GFPT2: variants seen among roughly 807,000 people sequenced by gnomAD.
GFPT2 encodes glutamine--fructose-6-phosphate transaminase 2, also known as glutamine--fructose-6-phosphate aminotransferase [isomerizing] 2.
In GFPT2, 62 loss-of-function variants were observed where a neutral mutation model predicts 85.6. The observed-to-expected ratio is 0.72, with a 90% CI of 0.59 to 0.90. GFPT2 has a LOEUF of 0.90. Ranked by LOEUF, GFPT2 falls within the 40% of genes least tolerant of loss-of-function variation. The probability of loss-of-function intolerance (pLI) is 0.00; values close to 1 mark genes in which losing one functional copy is unlikely to be tolerated. For missense variants in GFPT2, 788 were observed against 893.4 expected, an observed-to-expected ratio of 0.88 and a Z score of 1.50; for synonymous variants, 368 against 344.5, an observed-to-expected ratio of 1.07 and a Z score of -0.75.
At chr5:180,316,578 G>A in intron 12 of GFPT2, 117 bp from the exon 13 acceptor site, 1 of 1,179,072 alleles carries the variant, frequency 8.5e-7, no homozygotes, top group South Asian at 1.4e-5. Flanking sequence ...CAGGTGGCGA[G>A]GGGACTTCGG....
intron 1 of GFPT2, among the ~76,000 whole-genome samples, chr5:180,340,732 T>G (rs542024670): frequency 1.9e-4 from 28 of 151,156 alleles, no homozygotes; most frequent in African/African-American, 6.6e-4. Flanking sequence ...GCCAGGATGG[T>G]CTCAATCTCC....
rs551114783 is a variant in GFPT2, at chr5:180,340,360, C to T, written c.8-1760G>A. On this transcript the variant is annotated intron_variant, in intron 1 of 18. Coordinates refer to ENST00000253778, the MANE Select transcript of GFPT2 (RefSeq NM_005110.4). The stretch of plus-strand genomic sequence containing the variant: ...TAGCTGGGATTACAGGCATGTGCCA[C>T]CACACCTGGCTAATTTTGTATTTTT... Among the ~76,000 whole-genome samples, 6 of 151,950 alleles carry T rather than the reference C, an allele frequency of 3.9e-5. No individual in the cohort carries two copies. In the East Asian group the frequency reaches 7.8e-4, roughly 20 times the overall value.
intron 2 of GFPT2, 71 bp downstream of exon 2, chr5:180,338,422 C>G: frequency 1.4e-6 from 1 of 712,598 alleles, no homozygotes; most frequent in South Asian, 1.7e-5. Flanking sequence ...AACCCCCCTG[C>G]AGTGGAGATG....
At position 180,331,703 on chromosome 5, in the gene GFPT2, TGTTTACGGCAGCAACTACA is replaced by T. The variant is rs1222356823; in HGVS notation, c.341-169_341-151del. 7.5e-6 allele frequency: 5 copies of T among 663,966 alleles called. No homozygotes were observed. In the African/African-American group the frequency reaches 9.1e-5, roughly 12 times the overall value. The allele number at this position is 663,966 out of a possible 1,614,324, so 41.1% of individuals were successfully genotyped here. On this transcript the variant is annotated intron_variant, in intron 4 of 18. Coordinates refer to ENST00000253778, the MANE Select transcript of GFPT2 (RefSeq NM_005110.4). ...CTTTGTTTACAGTGATTAGCACAGA[TGTTTACGGCAGCAACTACA>T]GTGGAACCAGGGATTAGCACCAGGG... is the stretch of plus-strand genomic sequence containing the variant.
rs1239809929 is a variant in GFPT2, at chr5:180,353,310, G to GCTC, written c.-96_-94dup. The GCTC allele has an allele frequency of 2.1e-6, 2 of 970,256 alleles. No individual in the cohort carries two copies. Among genetic ancestry groups the GCTC allele is most frequent in the Non-Finnish European group, 2.7e-6 (2 of 748,438 alleles). The allele number at this position is 970,256 out of a possible 1,614,324, so 60.1% of individuals were successfully genotyped here. Reference sequence around the variant, plus strand: ...GTGGGCTCCTCCGTGGGCTCCGTGGGCTCCGTGGGCTCCGCGGGCTCCAGC... The same window carrying GCTC: ...GTGGGCTCCTCCGTGGGCTCCGTGGGCTCCTCCGTGGGCTCCGCGGGCTCCAGC... On this transcript the variant is annotated 5_prime_UTR_variant, in exon 1 of 19. Coordinates refer to ENST00000253778, the MANE Select transcript of GFPT2 (RefSeq NM_005110.4).
At chr5:180,316,607 G>A (rs1176246857) in intron 12 of GFPT2, 146 bp from the exon 13 acceptor site, 12 of 951,688 alleles carry the variant, frequency 1.3e-5, no homozygotes, top group Admixed American at 1.1e-4. Context: ...AGGCCACCTC[G>A]AAGATAAAAG....
intron 2 of GFPT2, among the ~76,000 whole-genome samples, chr5:180,337,815 T>C (rs1191631117): frequency 6.6e-6 from 1 of 152,088 alleles, no homozygotes. Context: ...GCCCTCTTTA[T>C]GTATTGTTCT....
chr5:180,324,811 C>T lies in GFPT2; in HGVS notation c.676+5G>A. 6.3e-7 allele frequency: 1 copy of T among 1,577,240 alleles called. No individual in the cohort carries two copies. Among genetic ancestry groups the T allele is most frequent in the Non-Finnish European group, 8.7e-7 (1 of 1,146,420 alleles). Reference sequence around the variant, plus strand: ...TGCTGTTCCGGTACTTCTTGAGAAACTTACACGTCCTGTATAAGATAGGGA... The same window carrying T: ...TGCTGTTCCGGTACTTCTTGAGAAATTTACACGTCCTGTATAAGATAGGGA... On this transcript the variant is annotated splice_donor_5th_base_variant and intron_variant, in intron 8 of 18. Transcript: ENST00000253778.
rs1326167941 is a variant in GFPT2 at position 180,330,275 on chromosome 5, TCA to T, written c.534+423_534+424del. On this transcript the variant is annotated intron_variant, in intron 6 of 18. Transcript: ENST00000253778. The surrounding 1 kb of genome is among the most constrained non-coding windows in gnomAD (Gnocchi z 4.4). ...AGGTGGAGGTTGCAGTGAGCCAAGA[TCA>T]CACCACTGCACTCCAGCCTGTGCAA... Among the ~76,000 whole-genome samples the T allele has an allele frequency of 6.6e-6, 1 of 152,022 alleles. No homozygotes were observed. Among genetic ancestry groups the T allele is most frequent in the Non-Finnish European group, 1.5e-5 (1 of 68,014 alleles).
intron 14 of GFPT2, among the ~76,000 whole-genome samples, chr5:180,313,450 G>C (rs1397326385): frequency 1.6e-5 from 2 of 126,894 alleles, no homozygotes; most frequent in African/African-American, 5.8e-5. Context: ...AATGAGCCGG[G>C]TGTGGGGCGG....
At chr5:180,331,975 G>A (rs973169810) in intron 4 of GFPT2, among the ~76,000 whole-genome samples, 1 of 152,234 alleles carries the variant, frequency 6.6e-6, no homozygotes, top group African/African-American at 2.4e-5. Context: ...GCAAAGAACA[G>A]TCCAGCACCG....
intron 4 of GFPT2, among the ~76,000 whole-genome samples, chr5:180,332,985 T>C (rs1764332478): frequency 6.6e-6 from 1 of 152,216 alleles, no homozygotes; most frequent in African/African-American, 2.4e-5. Context: ...TTAAAAAAAT[T>C]GTAGTGTTTG....
At chr5:180,352,304 A>C in intron 1 of GFPT2, 1 of 401,454 alleles carries the variant, frequency 2.5e-6, no homozygotes, top group Non-Finnish European at 4.8e-6. Flanking sequence ...CTCCAGCCAC[A>C]GGAGGCTGGA....
At chr5:180,339,451 C>T (rs552411056) in intron 1 of GFPT2, among the ~76,000 whole-genome samples, 1 of 152,100 alleles carries the variant, frequency 6.6e-6, no homozygotes, top group Non-Finnish European at 1.5e-5. Context: ...CCCTTGGCCC[C>T]TGCAGAATCC....
intron 3 of GFPT2, 82 bp downstream of exon 3, chr5:180,336,397 A>G (rs541276564): frequency 2.1e-5 from 17 of 817,914 alleles, no homozygotes; most frequent in Admixed American, 5.2e-5. Context: ...GAGAATCTCC[A>G]TTCTCCGGCG....
chr5:180,304,269 T>C (rs1367572790), intron 17 of GFPT2, among the ~76,000 whole-genome samples: 1 of 152,210 alleles, frequency 6.6e-6, no homozygotes, highest in Non-Finnish European at 1.5e-5. Flanking sequence ...GTTCTATGGG[T>C]CGTTCTAGAA....
intron 16 of GFPT2, among the ~76,000 whole-genome samples, chr5:180,305,983 CTTT>C (rs59887076): frequency 2.2e-5 from 3 of 138,750 alleles, no homozygotes; most frequent in Non-Finnish European, 4.7e-5. Flanking sequence ...TTCTTTCTTT[CTTT>C]TTTTTTTTTT....
In GFPT2 at chr5:180,338,594, A is replaced by G; in HGVS notation, c.14T>C (p.Phe5Ser). 2 of 1,588,038 alleles carry G rather than the reference A, an allele frequency of 1.3e-6. No homozygotes were observed. Among genetic ancestry groups the G allele is most frequent in the Non-Finnish European group, 1.7e-6 (2 of 1,157,666 alleles). Reference sequence around the variant, plus strand: ...GGGGACTCTGTAGTTCATGTAGGCAAAGATTCCTGTTCAAAGAGAAAAAAA... The same window carrying G: ...GGGGACTCTGTAGTTCATGTAGGCAGAGATTCCTGTTCAAAGAGAAAAAAA... MCGIFAYMNYRVPRT... is the reference protein window; with the variant it reads MCGISAYMNYRVPRT... Residue 5 changes from phenylalanine to serine, a missense_variant, in exon 2 of 19, where the codon TTT becomes TCT. Coordinates refer to ENST00000253778, the MANE Select transcript of GFPT2 (RefSeq NM_005110.4).
chr5:180,332,910 C>T (rs1465815779), intron 4 of GFPT2, among the ~76,000 whole-genome samples: 1 of 152,142 alleles, frequency 6.6e-6, no homozygotes, highest in East Asian at 1.9e-4. Flanking sequence ...AAGATTTCTC[C>T]CACAGCATCT....
Sources: gnomAD v4.1 joint callset for allele counts (sites outside exome capture counted in the v4.1 genomes callset) on GRCh38, gnomAD v4.1.1 for gene constraint, Gnocchi (gnomAD v3.1) non-coding constraint, MANE v1.5 for transcripts, NCBI Gene and HGNC (gene_info 2026-07-23, HGNC 2026-07-21) for gene names.